The following RBFOX1 variants were observed in gnomAD, a reference collection of about 807,000 sequenced individuals.
The protein encoded by RBFOX1 is RNA binding protein fox-1 homolog 1.
Under a neutral mutation model 57.7 loss-of-function variants are expected in RBFOX1, and 8 were observed. That is an observed-to-expected ratio of 0.14 (90% CI 0.08 to 0.25). The LOEUF is 0.25. Ranked by LOEUF, RBFOX1 falls within the 10% of genes least tolerant of loss-of-function variation. RBFOX1 has a pLI of 1.00. For synonymous variants in RBFOX1, 326 were observed against 222.4 expected (o/e 1.47, Z -4.15); for missense variants, 611 against 548.5 (o/e 1.11, Z -1.14).
intron 3 of RBFOX1, among the ~76,000 whole-genome samples, chr16:6,965,245 G>C (rs1032660848): frequency 6.6e-6 from 1 of 151,568 alleles, no homozygotes; most frequent in Non-Finnish European, 1.5e-5. Flanking sequence ...CACTCATTTG[G>C]GTGTAAAAAA....
intron 1 of RBFOX1, among the ~76,000 whole-genome samples, chr16:5,462,330 G>A (rs562936568): frequency 1.3e-5 from 2 of 151,964 alleles, no homozygotes; most frequent in East Asian, 1.9e-4. Flanking sequence ...CACCACGCCC[G>A]GCTAATTTTT....
chr16:6,192,182 A>G (rs182905158), intron 1 of RBFOX1, among the ~76,000 whole-genome samples: 15 of 152,096 alleles, frequency 9.9e-5, no homozygotes, highest in Non-Finnish European at 5.9e-5. Context: ...TGTCAGTGCT[A>G]TTTAACGCAG....
intron 3 of RBFOX1, among the ~76,000 whole-genome samples, chr16:5,772,324 G>C (rs1251382475): frequency 6.6e-6 from 1 of 151,678 alleles, no homozygotes; most frequent in African/African-American, 2.4e-5. Flanking sequence ...TCTGTACGCC[G>C]CCTCTCCTAA....
intron 14 of RBFOX1, among the ~76,000 whole-genome samples, chr16:7,707,425 C>T (rs747925650): frequency 9.2e-5 from 14 of 152,052 alleles, no homozygotes; most frequent in East Asian, 5.8e-4. Context: ...GGAAAAGGTA[C>T]GTGCAAATTG....
In RBFOX1 at chr16:5,669,304, C is replaced by T. The variant is rs554230029; in HGVS notation, c.318+70343C>T. ...CTCTGTTTGACTATCTCAGCCTACC[C>T]AGCAGCAGGAGGGAGCCAAGTTTCT... On this transcript the variant is annotated intron_variant, in intron 3 of 19. Coordinates refer to the RBFOX1 transcript ENST00000641259. Among the ~76,000 whole-genome samples the T allele has an allele frequency of 5.9e-5, 9 of 152,206 alleles. No individual in the cohort carries two copies. The East Asian group carries it at 1.7e-3, about 29-fold the overall frequency.
At chr16:5,284,308 T>TC (rs1458026321) in intron 1 of RBFOX1, among the ~76,000 whole-genome samples, 4 of 152,182 alleles carry the variant, frequency 2.6e-5, no homozygotes, top group Non-Finnish European at 4.4e-5. Context: ...GTTCCTTTTT[T>TC]CCCTCATTAT....
chr16:6,779,250 G>T (rs1345737550), intron 3 of RBFOX1, among the ~76,000 whole-genome samples: 3 of 151,896 alleles, frequency 2.0e-5, no homozygotes, highest in Non-Finnish European at 2.9e-5. Flanking sequence ...TCCCGCATTT[G>T]TATGAGCACA....
intron 4 of RBFOX1, among the ~76,000 whole-genome samples, chr16:7,394,235 C>CAAAAAAAAAAAAAAAAAAAAAAAAAAA (rs59934126): frequency 1.8e-5 from 1 of 55,024 alleles, no homozygotes; most frequent in Non-Finnish European, 3.0e-5. Flanking sequence ...GACTCCGCAT[C>CAAAAAAAAAAAAAAAAAAAAAAAAAAA]AAAAAAAAAA....
At chr16:7,337,745 C>T (rs770673978) in intron 4 of RBFOX1, among the ~76,000 whole-genome samples, 8 of 152,004 alleles carry the variant, frequency 5.3e-5, no homozygotes, top group Admixed American at 1.3e-4. Flanking sequence ...AGTGCAGGGG[C>T]GCAATCTCGG....
At chr16:7,024,454 T>C (rs1295365971) in intron 3 of RBFOX1, among the ~76,000 whole-genome samples, 1 of 152,188 alleles carries the variant, frequency 6.6e-6, no homozygotes, top group Non-Finnish European at 1.5e-5. Context: ...ACCATGAATT[T>C]ATAATCCATA....
At chr16:6,785,542 C>T (rs2081808534) in intron 3 of RBFOX1, among the ~76,000 whole-genome samples, 1 of 152,162 alleles carries the variant, frequency 6.6e-6, no homozygotes, top group South Asian at 2.1e-4. Flanking sequence ...AGTAGTTCCT[C>T]TTACCACTTA....
At chr16:6,944,341 G>C (rs965151359) in intron 3 of RBFOX1, among the ~76,000 whole-genome samples, 4 of 150,218 alleles carry the variant, frequency 2.7e-5, no homozygotes, top group African/African-American at 9.8e-5. Context: ...GTTGCAGTGT[G>C]CCAAGATTGC....
chr16:5,497,618 A>G, intron 2 of RBFOX1, among the ~76,000 whole-genome samples: 1 of 140,570 alleles, frequency 7.1e-6, no homozygotes, highest in South Asian at 2.2e-4. Flanking sequence ...CTCTACTAAA[A>G]ATACAAAAAA....
intron 4 of RBFOX1, among the ~76,000 whole-genome samples, chr16:7,358,830 A>C (rs1267131696): frequency 6.6e-6 from 1 of 152,232 alleles, no homozygotes; most frequent in Non-Finnish European, 1.5e-5. Context: ...ATATGTGCTC[A>C]CGATGACTTA....
intron 7 of RBFOX1, among the ~76,000 whole-genome samples, chr16:7,589,127 G>T (rs924896614): frequency 2.0e-5 from 3 of 152,194 alleles, no homozygotes; most frequent in East Asian, 1.9e-4. Context: ...GCCTAATTCT[G>T]TTCACTCGAG....
At chr16:6,512,512 T>C (rs970205875) in intron 2 of RBFOX1, among the ~76,000 whole-genome samples, 1 of 152,040 alleles carries the variant, frequency 6.6e-6, no homozygotes, top group South Asian at 2.1e-4. Flanking sequence ...AGAAGCCTAA[T>C]GTAGAGGGTC....
At chr16:7,381,424 T>C (rs1250033904) in intron 4 of RBFOX1, among the ~76,000 whole-genome samples, 1 of 152,214 alleles carries the variant, frequency 6.6e-6, no homozygotes, top group Non-Finnish European at 1.5e-5. Flanking sequence ...TACTCTTCCT[T>C]TCTGAAATTC....
chr16:6,574,372 T>C (rs2097392459), intron 2 of RBFOX1, among the ~76,000 whole-genome samples: 1 of 151,540 alleles, frequency 6.6e-6, no homozygotes, highest in African/African-American at 2.4e-5. Context: ...GTGGGAATGC[T>C]GTGAGGAGGG....
At position 6,244,617 on chromosome 16, in the gene RBFOX1, C is replaced by T. The variant is rs182876718; in HGVS notation, c.-126-72378C>T. Among the ~76,000 whole-genome samples the T allele has an allele frequency of 8.7e-4, 132 of 152,312 alleles. 1 individual carries two copies. The highest frequency in any genetic ancestry group is 2.8e-3 in the African/African-American group (116 of 41,566). On this transcript the variant is annotated intron_variant, in intron 1 of 15. Transcript: ENST00000550418. ...CTCTTGGGTCCCAGTTCAAGCAATT[C>T]TCCTGCCTCAGCCTCCCGAGTAGCT... is the stretch of plus-strand genomic sequence containing the variant.
Sources: gnomAD v4.1 joint callset for allele counts (sites outside exome capture counted in the v4.1 genomes callset) on GRCh38, gnomAD v4.1.1 for gene constraint, MANE v1.5 for transcripts, NCBI Gene and HGNC (gene_info 2026-07-23, HGNC 2026-07-21) for gene names.